Variants in RSPH3 observed in about 807,000 individuals in gnomAD.
RSPH3 encodes radial spoke head 3, also known as radial spoke head protein 3 homolog.
RSPH3 carries 21 observed loss-of-function variants against 43.8 expected under a neutral mutation model. That is an observed-to-expected ratio of 0.48 (90% CI 0.34 to 0.69). The LOEUF (loss-of-function observed/expected upper bound fraction) is 0.69, where lower values mean the gene tolerates loss of function less well. Ranked by LOEUF, RSPH3 falls within the 30% of genes least tolerant of loss-of-function variation. The probability of loss-of-function intolerance (pLI) is 0.01; values close to 1 mark genes in which losing one functional copy is unlikely to be tolerated. For synonymous variants in RSPH3, 173 were observed against 179.8 expected (o/e 0.96, Z 0.30); for missense variants, 487 against 516.0 (o/e 0.94, Z 0.54).
downstream of RSPH3, among the ~76,000 whole-genome samples, chr6:158,968,540 T>C (rs1181128444): frequency 6.6e-6 from 1 of 152,124 alleles, no homozygotes; most frequent in African/African-American, 2.4e-5. Context: ...CTGGCTATTT[T>C]TACTATTTTG....
intron 6 of RSPH3, among the ~76,000 whole-genome samples, chr6:158,980,207 G>A (rs907259916): frequency 7.9e-5 from 12 of 152,308 alleles, no homozygotes; most frequent in African/African-American, 2.6e-4. Flanking sequence ...GGCCAAGGCA[G>A]GCGGATCACT....
At chr6:158,990,129 T>C (rs1778358258) in intron 2 of RSPH3, among the ~76,000 whole-genome samples, 1 of 152,158 alleles carries the variant, frequency 6.6e-6, no homozygotes, top group African/African-American at 2.4e-5. Context: ...AGCCTGCAGA[T>C]GGCCTATTGT....
intron 2 of RSPH3, among the ~76,000 whole-genome samples, chr6:158,991,934 ACAAC>A (rs145483597): frequency 0.018 from 2,702 of 152,298 alleles, 34 homozygotes; most frequent in Middle Eastern, 0.024. Flanking sequence ...GAATACTCAT[ACAAC>A]CATTCTATTT....
intron 5 of RSPH3, 74 bp from the exon 6 acceptor site, chr6:158,981,010 G>A: frequency 1.4e-6 from 2 of 1,446,198 alleles, no homozygotes. Flanking sequence ...AAGTTAGTAA[G>A]TACAAGAATC....
In RSPH3 at chr6:158,993,821, T is replaced by C. The variant is rs1443435208; in HGVS notation, c.204+18A>G. On this transcript the variant is annotated intron_variant, in intron 2 of 7. Transcript: ENST00000367069. ...ATAATGTGAGAACACGGTGTTAGAC[T>C]ATTCAAACTGAACTTACCAGTGGCC... 2.1e-6 allele frequency: 3 copies of C among 1,415,272 alleles called. No individual in the cohort carries two copies. The highest frequency in any genetic ancestry group is 1.7e-5 in the Admixed American group (1 of 59,308). The allele number at this position is 1,415,272 out of a possible 1,614,324, so 87.7% of individuals were successfully genotyped here. A position where few individuals can be genotyped will look rare whatever the true frequency, so the allele number is the denominator to read the frequency against.
In RSPH3 at chr6:158,973,360, A is replaced by C. The variant is rs1056412634; in HGVS notation, c.*4178T>G. 3 of 152,316 alleles carry C rather than the reference A, an allele frequency of 2.0e-5. No individual in the cohort carries two copies. Among genetic ancestry groups the C allele is most frequent in the African/African-American group, 7.2e-5 (3 of 41,560 alleles). The allele number at this position is 152,316 out of a possible 1,614,324, so 9.4% of individuals were successfully genotyped here. On this transcript the variant is annotated 3_prime_UTR_variant, in exon 8 of 8. Coordinates refer to ENST00000367069, the MANE Select transcript of RSPH3 (RefSeq NM_031924.8). ...AATGAAATGTTTCTAGGATAGAAGA[A>C]ATTGGTACCATTAACATTTGGATGG...
chr6:158,980,958 G>C (rs1778014882), intron 5 of RSPH3, 22 bp from the exon 6 acceptor site: 1 of 1,611,862 alleles, frequency 6.2e-7, no homozygotes, highest in African/African-American at 1.3e-5. Context: ...GACAGAGGTG[G>C]TTATTTAGCT....
downstream of RSPH3, among the ~76,000 whole-genome samples, chr6:158,968,188 G>A (rs1045567580): frequency 6.6e-6 from 1 of 151,858 alleles, no homozygotes; most frequent in Non-Finnish European, 1.5e-5. Context: ...CATTAAATGG[G>A]TATCTTCCAG....
intron 3 of RSPH3, among the ~76,000 whole-genome samples, chr6:158,984,089 G>A (rs1239015523): frequency 2.0e-5 from 3 of 151,952 alleles, no homozygotes; most frequent in Admixed American, 1.3e-4. Context: ...AGCCAATATC[G>A]TGTCACTGTA....
chr6:158,977,902 C>T (rs1184437600), intron 7 of RSPH3, 54 bp from the exon 8 acceptor site: 52 of 1,446,438 alleles, frequency 3.6e-5, no homozygotes, highest in Non-Finnish European at 4.7e-5. Flanking sequence ...TGGTATATTT[C>T]AGGAGTTATA....
At chr6:158,965,189 G>A in the RSPH3 span, among the ~76,000 whole-genome samples, 1 of 152,008 alleles carries the variant, frequency 6.6e-6, no homozygotes. Flanking sequence ...ACACAGTTTT[G>A]AATACCGTAG....
At chr6:158,985,168 T>C (rs1362409532) in intron 3 of RSPH3, among the ~76,000 whole-genome samples, 1 of 152,120 alleles carries the variant, frequency 6.6e-6, no homozygotes, top group Non-Finnish European at 1.5e-5. Context: ...GCGAGACAAG[T>C]ACGCAAATCC....
In RSPH3 at chr6:158,984,437, TATATATATATATATA is replaced by T. The variant is rs1778149807; in HGVS notation, c.347-645_347-631del. Reference sequence around the variant, plus strand: ...ACAACAGTGGATAAAAAGTCAATTATATATATATATATATATATATATATATATATATATATATTT... The same window carrying T: ...ACAACAGTGGATAAAAAGTCAATTATTATATATATATATATATATATATTT... On this transcript the variant is annotated intron_variant, in intron 3 of 7. Coordinates refer to ENST00000367069, the MANE Select transcript of RSPH3 (RefSeq NM_031924.8). 3.9e-3 allele frequency among the ~76,000 whole-genome samples: 193 copies of T among 49,484 alleles called. 6 individuals carry two copies. The highest frequency in any genetic ancestry group is 6.4e-3 in the Non-Finnish European group (126 of 19,710). 32.5% of individuals were successfully genotyped at this position (49,484 alleles called of 152,430 possible). A position where few individuals can be genotyped will look rare whatever the true frequency, so the allele number is the denominator to read the frequency against.
the RSPH3 span, among the ~76,000 whole-genome samples, chr6:158,965,906 C>T: frequency 1.6e-4 from 24 of 152,206 alleles, no homozygotes; most frequent in Admixed American, 4.6e-4. Flanking sequence ...ATGCCTTGTA[C>T]AGGATTGAGG....
At chr6:158,985,030 G>C (rs1778182862) in intron 3 of RSPH3, among the ~76,000 whole-genome samples, 1 of 152,138 alleles carries the variant, frequency 6.6e-6, no homozygotes, top group African/African-American at 2.4e-5. Flanking sequence ...ATCTTGGAAG[G>C]GTACAAAGTG....
intron 5 of RSPH3, among the ~76,000 whole-genome samples, chr6:158,982,164 C>T (rs1778053728): frequency 6.6e-6 from 1 of 152,184 alleles, no homozygotes; most frequent in South Asian, 2.1e-4. Flanking sequence ...AACCAACATA[C>T]ATCTTTCTTT....
In RSPH3 at chr6:158,973,133, T is replaced by A. The variant is rs1777725092; in HGVS notation, c.*4405A>T. Reference sequence around the variant, plus strand: ...TTAGTGGGGAAGTGAAGCTCATGTTTAGGCCTTTTCATAATGTCTTTATGC... The same window carrying A: ...TTAGTGGGGAAGTGAAGCTCATGTTAAGGCCTTTTCATAATGTCTTTATGC... On this transcript the variant is annotated 3_prime_UTR_variant, in exon 8 of 8. Transcript: ENST00000367069. 6.6e-6 allele frequency: 1 copy of A among 152,234 alleles called. No homozygotes were observed. The highest frequency in any genetic ancestry group is 1.5e-5 in the Non-Finnish European group (1 of 68,038). 9.4% of individuals were successfully genotyped at this position (152,234 alleles called of 1,614,324 possible).
At position 158,999,701 on chromosome 6, in the gene RSPH3, C is replaced by CG; in HGVS notation, c.-152dup. The CG allele has an allele frequency of 6.2e-7, 1 of 1,613,824 alleles. No homozygotes were observed. Among genetic ancestry groups the CG allele is most frequent in the Non-Finnish European group, 8.5e-7 (1 of 1,179,898 alleles). The stretch of plus-strand genomic sequence containing the variant: ...GCGACAACAAGGGAGGCGGGCGGGA[C>CG]GGGAGGTTACCAGCGCAGGAGGTGG... On this transcript the variant is annotated 5_prime_UTR_variant, in exon 1 of 8. Transcript: ENST00000367069.
At chr6:158,997,302 C>T (rs1350477758) in intron 1 of RSPH3, among the ~76,000 whole-genome samples, 21 of 117,182 alleles carry the variant, frequency 1.8e-4, no homozygotes, top group Admixed American at 3.1e-4. Flanking sequence ...GACAGAGTTT[C>T]GCTTTGTCGC....
Sources: gnomAD v4.1 joint callset for allele counts (sites outside exome capture counted in the v4.1 genomes callset) on GRCh38, gnomAD v4.1.1 for gene constraint, MANE v1.5 for transcripts, NCBI Gene and HGNC (gene_info 2026-07-23, HGNC 2026-07-21) for gene names.